UNC13C: variants seen among roughly 807,000 people sequenced by gnomAD.
UNC13C encodes protein unc-13 homolog C.
A neutral mutation model predicts 245.4 loss-of-function variants in UNC13C; 174 were observed. That is an observed-to-expected ratio of 0.71 (90% CI 0.63 to 0.80). The LOEUF (loss-of-function observed/expected upper bound fraction) is 0.80, where lower values mean the gene tolerates loss of function less well. Among genes scored for constraint, UNC13C ranks in the 30% least tolerant of loss-of-function variants. The pLI, the probability that UNC13C is intolerant of heterozygous loss-of-function variation, is 0.00. For synonymous variants in UNC13C, 992 were observed against 895.1 expected (o/e 1.11, Z -1.93); for missense variants, 2,829 against 2,602.9 (o/e 1.09, Z -1.89).
chr15:54,174,556 A>G (rs1382152739), intron 4 of UNC13C, among the ~76,000 whole-genome samples: 1 of 152,188 alleles, frequency 6.6e-6, no homozygotes, highest in Non-Finnish European at 1.5e-5. Flanking sequence ...ATGTAGCATC[A>G]AGAAATTAAA....
At chr15:53,860,401 C>T in the UNC13C span, among the ~76,000 whole-genome samples, 1 of 152,250 alleles carries the variant, frequency 6.6e-6, no homozygotes, top group South Asian at 2.1e-4. Flanking sequence ...AGTCATTGGT[C>T]CATCATCCTA....
At chr15:53,867,893 C>T in the UNC13C span, among the ~76,000 whole-genome samples, 1 of 152,120 alleles carries the variant, frequency 6.6e-6, no homozygotes, top group Non-Finnish European at 1.5e-5. Flanking sequence ...TGCAGTGGTG[C>T]TCCCATGCCT....
intron 4 of UNC13C, among the ~76,000 whole-genome samples, chr15:54,199,743 A>C (rs1041769747): frequency 3.9e-5 from 6 of 152,152 alleles, no homozygotes; most frequent in African/African-American, 1.4e-4. Context: ...ACCTACTTAA[A>C]GCACAAATCT....
chr15:54,297,205 A>G (rs2037459285), intron 11 of UNC13C, among the ~76,000 whole-genome samples: 1 of 152,218 alleles, frequency 6.6e-6, no homozygotes, highest in South Asian at 2.1e-4. Context: ...ATTTCATTGT[A>G]TAAACTGATC....
chr15:53,855,230 T>C, the UNC13C span, among the ~76,000 whole-genome samples: 1 of 152,224 alleles, frequency 6.6e-6, no homozygotes, highest in Non-Finnish European at 1.5e-5. Context: ...CAGAATCATG[T>C]CATCTGTAAG....
At chr15:54,139,795 T>C (rs2031925766) in intron 2 of UNC13C, among the ~76,000 whole-genome samples, 1 of 152,154 alleles carries the variant, frequency 6.6e-6, no homozygotes, top group Non-Finnish European at 1.5e-5. Flanking sequence ...TAAATATTCC[T>C]TTCTCTTTTT....
intron 18 of UNC13C, among the ~76,000 whole-genome samples, chr15:54,411,067 A>G (rs1451227831): frequency 6.6e-6 from 1 of 152,104 alleles, no homozygotes; most frequent in Non-Finnish European, 1.5e-5. Context: ...ATCACATCAT[A>G]ATTTTATTGG....
chr15:54,408,235 G>T (rs1450940574), intron 18 of UNC13C, among the ~76,000 whole-genome samples: 1 of 93,720 alleles, frequency 1.1e-5, no homozygotes, highest in African/African-American at 3.4e-5. Context: ...AAAAACATGG[G>T]CAAGAACCAT....
chr15:54,068,789 A>G (rs1356695990), intron 2 of UNC13C, among the ~76,000 whole-genome samples: 3 of 152,186 alleles, frequency 2.0e-5, no homozygotes, highest in Non-Finnish European at 2.9e-5. Context: ...TGGACTAGAA[A>G]TTGTCAGAAC....
At chr15:54,299,382 AC>A (rs1015226873) in intron 12 of UNC13C, among the ~76,000 whole-genome samples, 3 of 152,174 alleles carry the variant, frequency 2.0e-5, no homozygotes, top group Non-Finnish European at 2.9e-5. Flanking sequence ...CCTGACTCTT[AC>A]CATTTTGCAG....
At chr15:54,626,563 C>T (rs538956455) in intron 32 of UNC13C, among the ~76,000 whole-genome samples, 15 of 152,188 alleles carry the variant, frequency 9.9e-5, no homozygotes, top group African/African-American at 2.4e-4. Flanking sequence ...CCACCGCACC[C>T]GCAATCAGGA....
At chr15:53,951,584 C>T in the UNC13C span, among the ~76,000 whole-genome samples, 1 of 152,214 alleles carries the variant, frequency 6.6e-6, no homozygotes, top group Non-Finnish European at 1.5e-5. Context: ...CCTAATCCCA[C>T]AGATAAGGAA....
At chr15:54,461,698 T>G (rs1219458174) in intron 19 of UNC13C, among the ~76,000 whole-genome samples, 1 of 152,122 alleles carries the variant, frequency 6.6e-6, no homozygotes, top group Non-Finnish European at 1.5e-5. Flanking sequence ...ATTCACTAAA[T>G]AAATAGACTG....
intron 30 of UNC13C, among the ~76,000 whole-genome samples, chr15:54,621,204 T>A (rs1288374540): frequency 6.6e-6 from 1 of 152,174 alleles, no homozygotes. Flanking sequence ...GCTTTCAGCA[T>A]TTGCCTTCAT....
intron 19 of UNC13C, among the ~76,000 whole-genome samples, chr15:54,441,603 T>C (rs1343418083): frequency 6.6e-6 from 1 of 152,184 alleles, no homozygotes; most frequent in African/African-American, 2.4e-5. Flanking sequence ...AGCCTTGTAA[T>C]ATGTTTTGAA....
chr15:54,553,347 G>A (rs190044565), intron 28 of UNC13C, among the ~76,000 whole-genome samples: 1,623 of 110,778 alleles, frequency 0.015, 22 homozygotes, highest in Non-Finnish European at 0.019. Flanking sequence ...TGAATATATT[G>A]TAATATATAA....
At chr15:53,991,314 G>T (rs1385411522) in intron 1 of UNC13C, among the ~76,000 whole-genome samples, 1 of 151,962 alleles carries the variant, frequency 6.6e-6, no homozygotes, top group African/African-American at 2.4e-5. Context: ...CCACTAAGAT[G>T]AAGTAGACCG....
intron 1 of UNC13C, among the ~76,000 whole-genome samples, chr15:53,986,139 C>T (rs149067274): frequency 6.6e-6 from 1 of 152,100 alleles, no homozygotes; most frequent in African/African-American, 2.4e-5. Flanking sequence ...GGCAGTGTGC[C>T]TCATTATAGA....
Position 54,074,512 on chromosome 15 carries a change from T to A in UNC13C, c.2983+58626T>A, listed in dbSNP as rs552626065. On this transcript the variant is annotated intron_variant, in intron 2 of 32. Coordinates refer to ENST00000260323, the MANE Select transcript of UNC13C (RefSeq NM_001080534.3). ...TATTGATTCTTTGTATTCATTAGCA[T>A]GAAATGTTTTTACATTTGTTTGTGT... Among the ~76,000 whole-genome samples, 5 of 152,348 alleles carry A rather than the reference T, an allele frequency of 3.3e-5. No individual in the cohort carries two copies. In the South Asian group the frequency reaches 1.0e-3, roughly 32 times the overall value.
Sources: gnomAD v4.1 joint callset for allele counts (sites outside exome capture counted in the v4.1 genomes callset) on GRCh38, gnomAD v4.1.1 for gene constraint, MANE v1.5 for transcripts, NCBI Gene and HGNC (gene_info 2026-07-23, HGNC 2026-07-21) for gene names.